PARD3B: variants seen among roughly 807,000 people sequenced by gnomAD.
PARD3B encodes the protein partitioning defective 3 homolog B.
In PARD3B, 103 loss-of-function variants were observed where a neutral mutation model predicts 130.2. The ratio of observed to expected loss-of-function variants is 0.79; its 90% CI spans 0.67 to 0.93. The LOEUF is 0.93. Ranked by LOEUF, PARD3B falls within the 40% of genes least tolerant of loss-of-function variation. The pLI, the probability that PARD3B is intolerant of heterozygous loss-of-function variation, is 0.00. For synonymous variants in PARD3B, 583 were observed against 553.2 expected, an observed-to-expected ratio of 1.05 and a Z score of -0.76; for missense variants, 1,609 against 1,499.2, an observed-to-expected ratio of 1.07 and a Z score of -1.21.
rs534910501 is a variant in PARD3B at position 205,424,043 on chromosome 2, T to C, written c.2742-16327T>C. 3.3e-4 allele frequency among the ~76,000 whole-genome samples: 51 copies of C among 152,266 alleles called. No individual in the cohort carries two copies. The South Asian group carries it at 4.1e-3, about 12-fold the overall frequency. ...TACAAAGGCCCATAACACAGATTTA[T>C]CTATTTAACAAACCTGCACTTGTAC... On this transcript the variant is annotated intron_variant, in intron 19 of 22. Transcript: ENST00000406610.
At chr2:204,919,302 T>A (rs1025813405) in intron 2 of PARD3B, among the ~76,000 whole-genome samples, 2 of 152,206 alleles carry the variant, frequency 1.3e-5, no homozygotes, top group African/African-American at 4.8e-5. Flanking sequence ...TCAAGAACTT[T>A]TGATGAGTTT....
chr2:204,601,352 G>T (rs2125105533), intron 1 of PARD3B, among the ~76,000 whole-genome samples: 1 of 152,050 alleles, frequency 6.6e-6, no homozygotes, highest in Middle Eastern at 3.4e-3. Flanking sequence ...TTCCTTTCAA[G>T]TTCAAATTTA....
chr2:204,777,494 C>A (rs1320820567), intron 2 of PARD3B, among the ~76,000 whole-genome samples: 1 of 152,268 alleles, frequency 6.6e-6, no homozygotes, highest in South Asian at 2.1e-4. Context: ...TCCTTCCAGG[C>A]ATAGTGGCCC....
In PARD3B at chr2:204,799,129, C is replaced by T. The variant is rs1055930994; in HGVS notation, c.222+112847C>T. Among the ~76,000 whole-genome samples, 10 of 152,034 alleles carry T rather than the reference C, an allele frequency of 6.6e-5. No homozygotes were observed. Among genetic ancestry groups the T allele is most frequent in the Non-Finnish European group, 1.5e-4 (10 of 68,020 alleles). ...ATTTTTGGACCTGCTATGGGCCAGA[C>T]GGGAGCCCACTACCCTGAAGGGAGA... On this transcript the variant is annotated intron_variant, in intron 2 of 22. Coordinates refer to ENST00000406610, the MANE Select transcript of PARD3B (RefSeq NM_001302769.2). The surrounding 1 kb of genome is among the most constrained non-coding windows in gnomAD (Gnocchi z 4.1).
chr2:205,164,643 G>A (rs983338289), intron 11 of PARD3B, among the ~76,000 whole-genome samples: 10 of 151,626 alleles, frequency 6.6e-5, no homozygotes, highest in Admixed American at 1.3e-4. Flanking sequence ...TTTGGACTCC[G>A]TGATTGTCTC....
At position 205,274,636 on chromosome 2, in the gene PARD3B, TATTATCTATCTGAATATTAATATCA is replaced by T; in HGVS notation, c.2186-25885_2186-25861del. On this transcript the variant is annotated intron_variant, in intron 16 of 22. Transcript: ENST00000406610. This position sits in a 1 kb window ranked among gnomAD's most constrained non-coding sequence, Gnocchi z 4.2. ...CATTTCTACTTACTTTCTATCTGAA[TATTATCTATCTGAATATTAATATCA>T]ATTATCTACCTGAATATTTCTATCT... 6.6e-6 allele frequency among the ~76,000 whole-genome samples: 1 copy of T among 152,286 alleles called. No individual in the cohort carries two copies. Among genetic ancestry groups the T allele is most frequent in the East Asian group, 1.9e-4 (1 of 5,182 alleles).
In PARD3B at chr2:204,550,786, C is replaced by T. The variant is rs552041997; in HGVS notation, c.120+4667C>T. Among the ~76,000 whole-genome samples the T allele has an allele frequency of 7.2e-5, 11 of 152,198 alleles. No individual in the cohort carries two copies. The South Asian group carries it at 1.9e-3, about 26-fold the overall frequency. ...TCCATTCCCTGATTAACTGTGGGAT[C>T]GGAATCTAAGAGAATTTGTGTAGTT... is the stretch of plus-strand genomic sequence containing the variant. On this transcript the variant is annotated intron_variant, in intron 1 of 22. Transcript: ENST00000406610.
chr2:205,004,643 C>T (rs1695105907), intron 3 of PARD3B, among the ~76,000 whole-genome samples: 1 of 151,994 alleles, frequency 6.6e-6, no homozygotes, highest in South Asian at 2.1e-4. Flanking sequence ...GTTAAGTTGC[C>T]AAGGCAATGT....
At chr2:204,782,053 C>G (rs2041851295) in intron 2 of PARD3B, among the ~76,000 whole-genome samples, 1 of 152,014 alleles carries the variant, frequency 6.6e-6, no homozygotes, top group Admixed American at 6.6e-5. Flanking sequence ...AATTAAATCT[C>G]TTATTTAAAA....
At position 204,673,223 on chromosome 2, in the gene PARD3B, A is replaced by G. The variant is rs2036388678; in HGVS notation, c.121-12958A>G. Among the ~76,000 whole-genome samples the G allele has an allele frequency of 6.6e-6, 1 of 152,220 alleles. No individual in the cohort carries two copies. Among genetic ancestry groups the G allele is most frequent in the Non-Finnish European group, 1.5e-5 (1 of 68,044 alleles). On this transcript the variant is annotated intron_variant, in intron 1 of 22. Coordinates refer to ENST00000406610, the MANE Select transcript of PARD3B (RefSeq NM_001302769.2). The surrounding 1 kb of genome is among the most constrained non-coding windows in gnomAD (Gnocchi z 4.7). ...TGTACATCAGCAGTTTGGAAAAACCATCTGAGATGCAAATAACATGTAAGT... is the reference window on the plus strand; with the variant it reads ...TGTACATCAGCAGTTTGGAAAAACCGTCTGAGATGCAAATAACATGTAAGT...
chr2:204,820,071 C>CTTTTTTTTTTTT lies in PARD3B; in HGVS notation c.222+133799_222+133810dup, dbSNP rs557143420. On this transcript the variant is annotated intron_variant, in intron 2 of 22. Transcript: ENST00000406610. ...GAAGGTGGCTACATTAAACAATAGA[C>CTTTTTTTTTTTT]TTTTTTTTTTTTTTTTTTTTTGAGA... Among the ~76,000 whole-genome samples the CTTTTTTTTTTTT allele has an allele frequency of 5.1e-4, 50 of 98,420 alleles. 7 individuals carry two copies. Among genetic ancestry groups the CTTTTTTTTTTTT allele is most frequent in the African/African-American group, 1.6e-3 (37 of 22,444 alleles). The allele number at this position is 98,420 out of a possible 152,430, so 64.6% of individuals were successfully genotyped here.
intron 13 of PARD3B, among the ~76,000 whole-genome samples, chr2:205,184,615 G>A (rs1268965147): frequency 9.9e-5 from 15 of 152,050 alleles, no homozygotes; most frequent in South Asian, 2.1e-4. Flanking sequence ...GGTGGCGAGC[G>A]CCTGTAGTTC....
intron 3 of PARD3B, among the ~76,000 whole-genome samples, chr2:205,045,607 G>A (rs969201355): frequency 9.9e-5 from 15 of 151,918 alleles, no homozygotes; most frequent in African/African-American, 3.1e-4. Flanking sequence ...TATTTAAAAA[G>A]CAGATACTGA....
intron 4 of PARD3B, among the ~76,000 whole-genome samples, chr2:205,054,415 T>A (rs1283249007): frequency 5.3e-5 from 1 of 18,888 alleles, no homozygotes; most frequent in Non-Finnish European, 1.4e-4. Context: ...TATATATATA[T>A]ATATATATAT....
chr2:204,949,199 G>A (rs1689568427), intron 2 of PARD3B, among the ~76,000 whole-genome samples: 1 of 152,050 alleles, frequency 6.6e-6, no homozygotes, highest in Non-Finnish European at 1.5e-5. Flanking sequence ...ATATCGCATG[G>A]GTAGAAACTC....
chr2:205,132,425 TACTCTCTACTCTCATTCCAA>T (rs1304220703), intron 10 of PARD3B, among the ~76,000 whole-genome samples: 1 of 152,124 alleles, frequency 6.6e-6, no homozygotes, highest in Non-Finnish European at 1.5e-5. Context: ...TTTCTTCCCC[TACTCTCTACTCTCATTCCAA>T]ACTCTTCATC....
At chr2:205,379,841 G>C (rs879406249) in intron 18 of PARD3B, among the ~76,000 whole-genome samples, 1 of 151,804 alleles carries the variant, frequency 6.6e-6, no homozygotes, top group Non-Finnish European at 1.5e-5. Flanking sequence ...AGGCCAAAGC[G>C]GGTGGATCAC....
intron 21 of PARD3B, among the ~76,000 whole-genome samples, chr2:205,522,001 A>AT (rs879458658): frequency 2.0e-5 from 3 of 151,778 alleles, no homozygotes; most frequent in African/African-American, 7.2e-5. Context: ...AAAGGAGATT[A>AT]TTTTTTTCCT....
intron 3 of PARD3B, among the ~76,000 whole-genome samples, chr2:205,030,597 A>G (rs748484972): frequency 1.1e-4 from 17 of 152,158 alleles, no homozygotes; most frequent in Admixed American, 2.0e-4. Context: ...TAGGAGAACT[A>G]TTTCAGTCTT....
Sources: allele counts gnomAD v4.1 joint callset (sites outside exome capture counted in the v4.1 genomes callset), GRCh38; gene constraint gnomAD v4.1.1; non-coding constraint Gnocchi (gnomAD v3.1); transcripts MANE v1.5; gene names NCBI Gene and HGNC (gene_info 2026-07-23, HGNC 2026-07-21).